PAQR8: variants seen among roughly 807,000 people sequenced by gnomAD.
PAQR8 encodes the protein membrane progestin receptor beta.
In PAQR8, 17 loss-of-function variants were observed where a neutral mutation model predicts 25.2. That is an observed-to-expected ratio of 0.67 (90% confidence interval 0.46 to 1.01). PAQR8 has a LOEUF of 1.01. Ranked by LOEUF, PAQR8 falls within the 50% of genes least tolerant of loss-of-function variation. The pLI, the probability that PAQR8 is intolerant of heterozygous loss-of-function variation, is 0.00. For missense variants in PAQR8, 392 were observed against 448.4 expected (o/e 0.87, Z 1.14); for synonymous variants, 204 against 190.6 (o/e 1.07, Z -0.58).
rs148432475 is a variant in PAQR8, at chr6:52,405,746, TTTG to T, written c.*1471_*1473del. ...AGTTTACTTTATTGTCTTCAAATCTTTTGTTTTCTTCCTTTTTGTGAGATTTGT... is the reference window on the plus strand; with the variant it reads ...AGTTTACTTTATTGTCTTCAAATCTTTTTTCTTCCTTTTTGTGAGATTTGT... On this transcript the variant is annotated 3_prime_UTR_variant, in exon 2 of 2. Coordinates refer to ENST00000442253, the MANE Select transcript of PAQR8 (RefSeq NM_133367.5). 0.09 allele frequency: 15,000 copies of T among 167,134 alleles called. 1,159 individuals carry two copies. Among genetic ancestry groups the T allele is most frequent in the Admixed American group, 0.26 (3,941 of 15,274 alleles). The allele number at this position is 167,134 out of a possible 1,614,324, so 10.4% of individuals were successfully genotyped here.
intron 1 of PAQR8, chr6:52,373,706 A>G (rs1763448270): frequency 6.6e-6 from 1 of 150,956 alleles, no homozygotes; most frequent in African/African-American, 2.4e-5. Flanking sequence ...GGGTAGAGGG[A>G]GAGATTGGAT....
chr6:52,388,097 T>C (rs1763653554), intron 1 of PAQR8, among the ~76,000 whole-genome samples: 2 of 152,220 alleles, frequency 1.3e-5, no homozygotes. Context: ...AGAAATAGGC[T>C]GGATCCGGTA....
At chr6:52,377,005 A>T (rs1464032046) in intron 1 of PAQR8, among the ~76,000 whole-genome samples, 1 of 152,318 alleles carries the variant, frequency 6.6e-6, no homozygotes. Context: ...TTCCCAGCCC[A>T]TGTGATCTAT....
chr6:52,403,097 C>T, intron 1 of PAQR8, 65 bp from the exon 2 acceptor site: 1 of 842,884 alleles, frequency 1.2e-6, no homozygotes, highest in Admixed American at 2.9e-5. Context: ...GCCATAGTTC[C>T]TTGTCCGTCT....
At position 52,404,462 on chromosome 6, in the gene PAQR8, C is replaced by T. The variant is rs1295464982; in HGVS notation, c.*184C>T. 2 of 609,124 alleles carry T rather than the reference C, an allele frequency of 3.3e-6. No individual in the cohort carries two copies. Among genetic ancestry groups the T allele is most frequent in the Non-Finnish European group, 5.7e-6 (2 of 351,346 alleles). The allele number at this position is 609,124 out of a possible 1,614,324, so 37.7% of individuals were successfully genotyped here. Reference sequence around the variant, plus strand: ...TTTGTTGTTGTTAATAAAAGGAATACTCCTTTTCCTTTTGGATCATAGCTT... The same window carrying T: ...TTTGTTGTTGTTAATAAAAGGAATATTCCTTTTCCTTTTGGATCATAGCTT... On this transcript the variant is annotated 3_prime_UTR_variant, in exon 2 of 2. Coordinates refer to ENST00000442253, the MANE Select transcript of PAQR8 (RefSeq NM_133367.5).
Position 52,404,265 on chromosome 6 carries a change from A to C in PAQR8, c.1052A>C (p.Lys351Thr). The change falls in exon 2 of 2, where the codon AAG becomes ACG. Residue 351 changes from lysine to threonine, a missense_variant. Physicochemically the swap from Lys to Thr is moderately conservative, Grantham distance 78 (BLOSUM62 -1). Transcript: ENST00000442253. ...LRHKVKARLT[K>T]KDS is the part of the protein sequence containing the mutation. The stretch of plus-strand genomic sequence containing the variant: ...CACAAAGTCAAGGCCAGACTGACCA[A>C]GAAAGATTCCTGAGGCTGGCAAGTG... The C allele has an allele frequency of 6.3e-7, 1 of 1,590,962 alleles. No individual in the cohort carries two copies.
At position 52,406,573 on chromosome 6, in the gene PAQR8, C is replaced by CT. The variant is rs1347487365; in HGVS notation, c.*2300dup. The stretch of plus-strand genomic sequence containing the variant: ...TGGTTGGAAATTTTTTTTTTAATCT[C>CT]TTTTTCTGAGACAGGGTCTTACTCT... On this transcript the variant is annotated 3_prime_UTR_variant, in exon 2 of 2. Coordinates refer to ENST00000442253, the MANE Select transcript of PAQR8 (RefSeq NM_133367.5). 7.3e-6 allele frequency: 3 copies of CT among 412,908 alleles called. No individual in the cohort carries two copies. The highest frequency in any genetic ancestry group is 1.3e-5 in the Non-Finnish European group (3 of 226,064). The allele number at this position is 412,908 out of a possible 1,614,324, so 25.6% of individuals were successfully genotyped here. A position where few individuals can be genotyped will look rare whatever the true frequency, so the allele number is the denominator to read the frequency against.
At chr6:52,396,827 G>A (rs1763772530) in intron 1 of PAQR8, among the ~76,000 whole-genome samples, 3 of 152,208 alleles carry the variant, frequency 2.0e-5, no homozygotes, top group South Asian at 4.1e-4. Flanking sequence ...GTCTGGAGAT[G>A]AGTCTGAAGT....
At chr6:52,366,638 A>G (rs1763356782) in intron 1 of PAQR8, among the ~76,000 whole-genome samples, 1 of 152,210 alleles carries the variant, frequency 6.6e-6, no homozygotes, top group Admixed American at 6.5e-5. Context: ...TATTATTGCT[A>G]TACGAAACTT....
intron 1 of PAQR8, among the ~76,000 whole-genome samples, chr6:52,387,078 C>G (rs1038267880): frequency 6.6e-6 from 1 of 152,180 alleles, no homozygotes; most frequent in Non-Finnish European, 1.5e-5. Flanking sequence ...GTGGCACAAT[C>G]TTGGCTCACT....
chr6:52,395,852 T>G (rs1482668174), intron 1 of PAQR8, among the ~76,000 whole-genome samples: 4 of 147,852 alleles, frequency 2.7e-5, no homozygotes, highest in Non-Finnish European at 6.1e-5. Flanking sequence ...CCACCCACCC[T>G]TTTTTATGAG....
At chr6:52,373,217 G>A (rs557783333) in intron 1 of PAQR8, among the ~76,000 whole-genome samples, 5 of 152,274 alleles carry the variant, frequency 3.3e-5, no homozygotes, top group Admixed American at 2.0e-4. Flanking sequence ...TGAAAGGCCC[G>A]TCTGAAAGAA....
intron 1 of PAQR8, among the ~76,000 whole-genome samples, chr6:52,374,441 C>T (rs1261638699): frequency 6.6e-6 from 1 of 152,130 alleles, no homozygotes; most frequent in African/African-American, 2.4e-5. Context: ...TTGACAGGGT[C>T]TTACTCTGTT....
intron 1 of PAQR8, among the ~76,000 whole-genome samples, chr6:52,396,419 T>C (rs13209957): frequency 0.038 from 5,757 of 152,280 alleles, 146 homozygotes; most frequent in Non-Finnish European, 0.062. Context: ...GTATGGGCTC[T>C]GGGAGAGGAG....
intron 1 of PAQR8, among the ~76,000 whole-genome samples, chr6:52,397,464 C>T (rs566327685): frequency 3.9e-5 from 6 of 152,284 alleles, no homozygotes; most frequent in South Asian, 2.1e-4. Flanking sequence ...ATTTGTATTT[C>T]GCTCTAGTTT....
At chr6:52,388,128 C>T (rs755249886) in intron 1 of PAQR8, among the ~76,000 whole-genome samples, 10 of 152,290 alleles carry the variant, frequency 6.6e-5, no homozygotes, top group South Asian at 2.1e-4. Flanking sequence ...GTAATCCCAG[C>T]GCCTTGGGAA....
intron 1 of PAQR8, among the ~76,000 whole-genome samples, chr6:52,396,200 C>T (rs906356615): frequency 6.6e-6 from 1 of 152,110 alleles, no homozygotes; most frequent in Non-Finnish European, 1.5e-5. Flanking sequence ...AGAGGCAAGG[C>T]CAGAGTCTAA....
intron 1 of PAQR8, among the ~76,000 whole-genome samples, chr6:52,387,339 A>G (rs1022289234): frequency 6.6e-6 from 1 of 152,190 alleles, no homozygotes; most frequent in African/African-American, 2.4e-5. Flanking sequence ...ATGTTCTTTC[A>G]CAAAGACGCA....
Position 52,407,657 on chromosome 6 carries a change from T to C in PAQR8, c.*3379T>C. 1 of 150,338 alleles carries C rather than the reference T, an allele frequency of 6.7e-6. No individual in the cohort carries two copies. 9.3% of individuals were successfully genotyped at this position (150,338 alleles called of 1,614,324 possible). ...GGCTTCTGTCTACTAATTCTATTGGTCTTGTGTTTTGCTTGCTTGGCAAAA... is the reference window on the plus strand; with the variant it reads ...GGCTTCTGTCTACTAATTCTATTGGCCTTGTGTTTTGCTTGCTTGGCAAAA... On this transcript the variant is annotated 3_prime_UTR_variant, in exon 2 of 2. Coordinates refer to ENST00000442253, the MANE Select transcript of PAQR8 (RefSeq NM_133367.5).
Sources: allele counts gnomAD v4.1 joint callset (sites outside exome capture counted in the v4.1 genomes callset), GRCh38; gene constraint gnomAD v4.1.1; transcripts MANE v1.5; gene names NCBI Gene and HGNC (gene_info 2026-07-23, HGNC 2026-07-21).